Variants in SIPA1L2 observed in about 807,000 individuals in gnomAD.
SIPA1L2 encodes signal-induced proliferation-associated 1-like protein 2.
In SIPA1L2, 56 loss-of-function variants were observed where a neutral mutation model predicts 163.9. That is an observed-to-expected ratio of 0.34 (90% CI 0.28 to 0.43). SIPA1L2 has a LOEUF of 0.43. SIPA1L2 is among the 20% of genes least tolerant of loss of function. SIPA1L2 has a pLI of 1.00. For synonymous variants in SIPA1L2, 877 were observed against 865.7 expected, an observed-to-expected ratio of 1.01 and a Z score of -0.23; for missense variants, 1,974 against 2,193.5, an observed-to-expected ratio of 0.90 and a Z score of 2.00.
At chr1:232,438,966 C>T in intron 15 of SIPA1L2, 142 bp downstream of exon 15, 1 of 753,218 alleles carries the variant, frequency 1.3e-6, no homozygotes, top group Non-Finnish European at 2.0e-6. Context: ...ACAAGCCCTT[C>T]CTCTGATGTC....
intron 2 of SIPA1L2, among the ~76,000 whole-genome samples, chr1:232,529,776 T>G (rs1667884974): frequency 3.3e-5 from 5 of 152,226 alleles, no homozygotes; most frequent in Admixed American, 1.3e-4. Flanking sequence ...AGTAAATAGT[T>G]TTAAGTTTTG....
At chr1:232,629,582 T>C (rs751457695) in intron 1 of SIPA1L2, among the ~76,000 whole-genome samples, 6 of 152,230 alleles carry the variant, frequency 3.9e-5, no homozygotes, top group Non-Finnish European at 8.8e-5. Flanking sequence ...TCAGTGCCTG[T>C]GTCGCCGAGA....
At chr1:232,626,221 T>G (rs1003650183) in intron 1 of SIPA1L2, among the ~76,000 whole-genome samples, 12 of 135,816 alleles carry the variant, frequency 8.8e-5, no homozygotes, top group Non-Finnish European at 1.5e-4. Flanking sequence ...TGACAATCCC[T>G]AATATTTGCT....
intron 5 of SIPA1L2, 104 bp from the exon 6 acceptor site, chr1:232,484,070 G>T: frequency 9.2e-7 from 1 of 1,086,150 alleles, no homozygotes; most frequent in East Asian, 2.5e-5. Context: ...AGGAAAGCAT[G>T]CCAGAACAAT....
At chr1:232,448,381 A>G (rs1663341676) in intron 10 of SIPA1L2, among the ~76,000 whole-genome samples, 1 of 152,232 alleles carries the variant, frequency 6.6e-6, no homozygotes, top group Non-Finnish European at 1.5e-5. Flanking sequence ...ACATAAAACA[A>G]CAACAACAAC....
chr1:232,445,526 T>C lies in SIPA1L2; in HGVS notation c.3353+3A>G, dbSNP rs1663162627. ...CCCCTTGAGGAAACGGAACCAGCAT[T>C]ACCTCGTGCCATCGGGCAGCTTCCG... On this transcript the variant is annotated splice_donor_region_variant and intron_variant, in intron 11 of 22. Transcript: ENST00000674635. 1 of 1,613,572 alleles carries C rather than the reference T, an allele frequency of 6.2e-7. No individual in the cohort carries two copies.
chr1:232,594,168 A>C (rs1010867407), intron 1 of SIPA1L2, among the ~76,000 whole-genome samples: 2 of 152,208 alleles, frequency 1.3e-5, no homozygotes, highest in Non-Finnish European at 2.9e-5. Context: ...GTCGGACTAG[A>C]ACAGGCTTGT....
chr1:232,547,866 CCCTAA>C (rs1658135636), intron 2 of SIPA1L2, among the ~76,000 whole-genome samples: 1 of 152,114 alleles, frequency 6.6e-6, no homozygotes, highest in African/African-American at 2.4e-5. Flanking sequence ...TGGTAAAGAT[CCCTAA>C]CCTGCAGAGT....
chr1:232,510,455 C>T (rs979245546), intron 3 of SIPA1L2, among the ~76,000 whole-genome samples: 5 of 152,130 alleles, frequency 3.3e-5, no homozygotes, highest in East Asian at 3.8e-4. Flanking sequence ...AAATGCCAAA[C>T]GATAAGCGTA....
intron 2 of SIPA1L2, among the ~76,000 whole-genome samples, chr1:232,549,886 G>C (rs950085504): frequency 6.6e-6 from 1 of 152,154 alleles, no homozygotes; most frequent in Non-Finnish European, 1.5e-5. Context: ...GAAAAAGAAT[G>C]GTGCTCTACA....
At chr1:232,526,032 G>A (rs1667690936) in intron 2 of SIPA1L2, among the ~76,000 whole-genome samples, 2 of 152,188 alleles carry the variant, frequency 1.3e-5, no homozygotes, top group Non-Finnish European at 2.9e-5. Flanking sequence ...GATAGACCAA[G>A]CTGCTGGCAA....
At chr1:232,512,836 G>A (rs1667042494) in intron 3 of SIPA1L2, among the ~76,000 whole-genome samples, 1 of 152,170 alleles carries the variant, frequency 6.6e-6, no homozygotes, top group African/African-American at 2.4e-5. Flanking sequence ...AGTACAGTGA[G>A]CTCCCAGCTA....
At chr1:232,408,335 C>CT (rs1228884863) in intron 19 of SIPA1L2, among the ~76,000 whole-genome samples, 3 of 150,970 alleles carry the variant, frequency 2.0e-5, no homozygotes, top group Non-Finnish European at 4.4e-5. Flanking sequence ...TATTTGATCA[C>CT]TTATTAATTT....
At chr1:232,609,859 GA>G (rs1304229343) in intron 1 of SIPA1L2, among the ~76,000 whole-genome samples, 48 of 147,806 alleles carry the variant, frequency 3.2e-4, no homozygotes, top group Non-Finnish European at 6.9e-4. Context: ...AAAGAAAAAA[GA>G]AAAAAAAGGA....
intron 1 of SIPA1L2, among the ~76,000 whole-genome samples, chr1:232,603,229 T>C (rs922812223): frequency 6.6e-6 from 1 of 152,148 alleles, no homozygotes; most frequent in Non-Finnish European, 1.5e-5. Context: ...AAAGGATTTA[T>C]TTACTGTGAA....
chr1:232,508,280 C>T (rs1156460319), intron 3 of SIPA1L2, among the ~76,000 whole-genome samples: 1 of 152,206 alleles, frequency 6.6e-6, no homozygotes, highest in Non-Finnish European at 1.5e-5. Context: ...CCAAATATTA[C>T]TCACTTTGCC....
At chr1:232,618,591 T>G (rs1412501487) in intron 1 of SIPA1L2, among the ~76,000 whole-genome samples, 1 of 150,798 alleles carries the variant, frequency 6.6e-6, no homozygotes, top group African/African-American at 2.5e-5. Context: ...GAGTCGGAGG[T>G]TGCAGTGAGC....
intron 17 of SIPA1L2, 52 bp from the exon 18 acceptor site, chr1:232,425,860 C>T: frequency 2.0e-6 from 3 of 1,504,548 alleles, no homozygotes; most frequent in East Asian, 4.6e-5. Context: ...AAAACGAATG[C>T]ACGGGGCTTG....
chr1:232,605,120 C>T (rs893526998), intron 1 of SIPA1L2, among the ~76,000 whole-genome samples: 5 of 152,146 alleles, frequency 3.3e-5, no homozygotes, highest in African/African-American at 1.2e-4. Flanking sequence ...TCAAGTGATT[C>T]TCCCACCTCA....
Sources: gnomAD v4.1 joint callset for allele counts (sites outside exome capture counted in the v4.1 genomes callset) on GRCh38, gnomAD v4.1.1 for gene constraint, MANE v1.5 for transcripts, NCBI Gene and HGNC (gene_info 2026-07-23, HGNC 2026-07-21) for gene names.